The following MEIS2 variants were observed in gnomAD, a reference collection of about 807,000 sequenced individuals.
MEIS2 encodes the protein homeobox protein Meis2.
In MEIS2, 9 loss-of-function variants were observed where a neutral mutation model predicts 58.6. The ratio of observed to expected loss-of-function variants is 0.15; its 90% CI spans 0.09 to 0.27. The LOEUF (loss-of-function observed/expected upper bound fraction) is 0.27, where lower values mean the gene tolerates loss of function less well. Among genes scored for constraint, MEIS2 ranks in the 10% least tolerant of loss-of-function variants. The pLI is 1.00. For synonymous variants in MEIS2, 221 were observed against 228.4 expected, an observed-to-expected ratio of 0.97 and a Z score of 0.29; for missense variants, 427 against 635.0, an observed-to-expected ratio of 0.67 and a Z score of 3.52.
chr15:36,894,708 T>C lies in MEIS2; in HGVS notation c.1147+443A>G, dbSNP rs2056076622. On this transcript the variant is annotated intron_variant, in intron 11 of 11. Coordinates refer to ENST00000561208, the MANE Select transcript of MEIS2 (RefSeq NM_170675.5). Reference sequence around the variant, plus strand: ...ATAGTGAAGACAGATCGCACCCGACTGTACTTACTTCCCCCTTGCTTTGCG... The same window carrying C: ...ATAGTGAAGACAGATCGCACCCGACCGTACTTACTTCCCCCTTGCTTTGCG... 1.9e-6 allele frequency: 3 copies of C among 1,594,852 alleles called. No individual in the cohort carries two copies. The East Asian group carries it at 6.7e-5, about 36-fold the overall frequency.
At chr15:37,067,100 T>C (rs1038377025) in intron 7 of MEIS2, among the ~76,000 whole-genome samples, 6 of 150,516 alleles carry the variant, frequency 4.0e-5, no homozygotes, top group Non-Finnish European at 7.4e-5. Flanking sequence ...TTTTTTTTTT[T>C]TTTTTTTGAG....
chr15:37,077,253 A>G (rs998670932), intron 7 of MEIS2, among the ~76,000 whole-genome samples: 2 of 152,046 alleles, frequency 1.3e-5, no homozygotes, highest in African/African-American at 4.8e-5. Flanking sequence ...CAGCTTGTTT[A>G]TGAGGAGGGA....
chr15:36,904,440 A>C (rs1366431212), intron 9 of MEIS2, among the ~76,000 whole-genome samples: 1 of 152,122 alleles, frequency 6.6e-6, no homozygotes, highest in Non-Finnish European at 1.5e-5. Flanking sequence ...TATTGTAGCA[A>C]CCATCTACAA....
intron 9 of MEIS2, among the ~76,000 whole-genome samples, chr15:36,940,391 T>C (rs1222496196): frequency 2.6e-5 from 4 of 152,130 alleles, no homozygotes; most frequent in Admixed American, 6.6e-5. Context: ...AAGGGAGACA[T>C]GACCTCCCTT....
chr15:36,914,426 A>C (rs764727087), intron 9 of MEIS2, among the ~76,000 whole-genome samples: 1 of 152,278 alleles, frequency 6.6e-6, no homozygotes, highest in Non-Finnish European at 1.5e-5. Context: ...GTGAAAGATT[A>C]AATACTGAGG....
chr15:37,007,050 T>G (rs550951321), intron 8 of MEIS2, among the ~76,000 whole-genome samples: 2 of 152,192 alleles, frequency 1.3e-5, no homozygotes, highest in Non-Finnish European at 2.9e-5. Flanking sequence ...TTGCTTAACA[T>G]GTGAAATGAG....
At chr15:37,054,303 A>G (rs1209056885) in intron 7 of MEIS2, among the ~76,000 whole-genome samples, 31 of 152,236 alleles carry the variant, frequency 2.0e-4, no homozygotes, top group Non-Finnish European at 8.8e-5. Context: ...AAGTAGAAAT[A>G]AATTCTAAAA....
chr15:37,015,262 G>T (rs1239729453), intron 8 of MEIS2, among the ~76,000 whole-genome samples: 2 of 152,190 alleles, frequency 1.3e-5, no homozygotes, highest in Admixed American at 6.5e-5. Context: ...ACTGCTCAGG[G>T]TGTACTCTCC....
intron 9 of MEIS2, among the ~76,000 whole-genome samples, chr15:36,913,899 C>T (rs909665019): frequency 1.3e-5 from 2 of 152,164 alleles, no homozygotes; most frequent in Non-Finnish European, 2.9e-5. Context: ...TTTTGCTTTG[C>T]CCCAAGAATC....
At chr15:37,052,752 G>A (rs1224209473) in intron 7 of MEIS2, among the ~76,000 whole-genome samples, 1 of 152,168 alleles carries the variant, frequency 6.6e-6, no homozygotes, top group East Asian at 1.9e-4. Flanking sequence ...AATGAAAATA[G>A]AGTCACCGCT....
At chr15:36,987,639 C>T (rs1053013589) in intron 8 of MEIS2, among the ~76,000 whole-genome samples, 2 of 152,098 alleles carry the variant, frequency 1.3e-5, no homozygotes, top group African/African-American at 4.8e-5. Flanking sequence ...ATGAGACCAA[C>T]TCTATCATAA....
At chr15:36,927,176 G>C (rs975521180) in intron 9 of MEIS2, among the ~76,000 whole-genome samples, 4 of 152,094 alleles carry the variant, frequency 2.6e-5, no homozygotes, top group Admixed American at 6.5e-5. Context: ...TATTACAGCA[G>C]CCAAAAGATT....
intron 9 of MEIS2, 45 bp downstream of exon 9, chr15:36,950,279 T>A: frequency 6.9e-7 from 1 of 1,439,660 alleles, no homozygotes; most frequent in Non-Finnish European, 9.6e-7. Context: ...TTTAGAAATC[T>A]CATTTTAGCC....
chr15:36,896,390 C>T (rs2056177454), intron 10 of MEIS2, among the ~76,000 whole-genome samples: 1 of 151,994 alleles, frequency 6.6e-6, no homozygotes, highest in African/African-American at 2.4e-5. Flanking sequence ...ATACCTGTGC[C>T]CAATTACCAA....
chr15:37,047,433 G>A (rs1372531617), intron 7 of MEIS2, among the ~76,000 whole-genome samples: 5 of 152,088 alleles, frequency 3.3e-5, no homozygotes. Flanking sequence ...TCCCTCCTGT[G>A]ATACAAAGAA....
chr15:37,006,808 A>G (rs998329964), intron 8 of MEIS2, among the ~76,000 whole-genome samples: 4 of 152,202 alleles, frequency 2.6e-5, no homozygotes, highest in Non-Finnish European at 5.9e-5. Context: ...TTTTAAAGCC[A>G]TTCTGTTGTA....
chr15:36,983,359 G>A (rs1227781572), intron 8 of MEIS2, among the ~76,000 whole-genome samples: 1 of 151,920 alleles, frequency 6.6e-6, no homozygotes, highest in African/African-American at 2.4e-5. Context: ...TCACTTTTGT[G>A]CATCTGGAGT....
At chr15:37,065,189 CACTTTATATAGTGA>C (rs1303607842) in intron 7 of MEIS2, among the ~76,000 whole-genome samples, 3 of 152,080 alleles carry the variant, frequency 2.0e-5, no homozygotes, top group Admixed American at 6.6e-5. Flanking sequence ...GCAGTTTAAG[CACTTTATATAGTGA>C]ACTGCTGGCA....
At chr15:37,098,971 T>G in intron 1 of MEIS2, 1 of 985,128 alleles carries the variant, frequency 1.0e-6, no homozygotes, top group Non-Finnish European at 1.2e-6. Context: ...CAGCCCAGGC[T>G]AGTAGTCTAG....
Sources: gnomAD v4.1 joint callset for allele counts (sites outside exome capture counted in the v4.1 genomes callset) on GRCh38, gnomAD v4.1.1 for gene constraint, MANE v1.5 for transcripts, NCBI Gene and HGNC (gene_info 2026-07-23, HGNC 2026-07-21) for gene names.